NTM: variants seen among roughly 807,000 people sequenced by gnomAD.
NTM encodes neurotrimin, also known as IgLON family member 2.
Under a neutral mutation model 42.1 loss-of-function variants are expected in NTM, and 13 were observed. The ratio of observed to expected loss-of-function variants is 0.31; its 90% CI spans 0.20 to 0.49. The LOEUF (loss-of-function observed/expected upper bound fraction) is 0.49. Ranked by LOEUF, NTM falls within the 20% of genes least tolerant of loss-of-function variation. NTM has a pLI of 0.99. For synonymous variants in NTM, 187 were observed against 179.2 expected, an observed-to-expected ratio of 1.04 and a Z score of -0.35; for missense variants, 373 against 452.8, an observed-to-expected ratio of 0.82 and a Z score of 1.60.
At chr11:132,230,715 C>T (rs1433442468) in intron 4 of NTM, among the ~76,000 whole-genome samples, 3 of 152,126 alleles carry the variant, frequency 2.0e-5, no homozygotes, top group Non-Finnish European at 2.9e-5. Context: ...AAATGCATGC[C>T]GGGGCCTGAT....
intron 6 of NTM, among the ~76,000 whole-genome samples, chr11:132,314,016 GCC>G (rs2095355854): frequency 6.6e-6 from 1 of 152,126 alleles, no homozygotes; most frequent in African/African-American, 2.4e-5. Context: ...CCTCTTCATA[GCC>G]AAAAAATTAA....
chr11:131,642,723 CT>C (rs1282346476), intron 1 of NTM, among the ~76,000 whole-genome samples: 3 of 152,140 alleles, frequency 2.0e-5, no homozygotes, highest in Non-Finnish European at 2.9e-5. Flanking sequence ...TCATCTTGAC[CT>C]TTCTGAAAGA....
At chr11:131,613,053 C>T (rs944117811) in intron 1 of NTM, among the ~76,000 whole-genome samples, 2 of 152,236 alleles carry the variant, frequency 1.3e-5, no homozygotes, top group African/African-American at 2.4e-5. Context: ...GCTGCACTTC[C>T]GTGTGCCTCC....
chr11:132,307,780 C>A lies in NTM; in HGVS notation c.618C>A (p.Asp206Glu). The A allele has an allele frequency of 6.2e-7, 1 of 1,614,212 alleles. No individual in the cohort carries two copies. The highest frequency in any genetic ancestry group is 8.5e-7 in the Non-Finnish European group (1 of 1,180,038). ...ACTACGAGTGCAGTGCCTCCAATGA[C>A]GTGGCCGCGCCCGTGGTACGGAGAG... ...SGDYECSASN[D>E]VAAPVVRRVK... The change falls in exon 5 of 9, where the codon GAC becomes GAA. Residue 206 changes from aspartate (D) to glutamate (E), a missense_variant. Physicochemically the swap from Asp to Glu is conservative, Grantham distance 45 (BLOSUM62 2). Around this residue, in one of 3 missense-constraint regions of NTM, gnomAD observed 312 missense variants for 353.5 expected, o/e 0.88. Transcript: ENST00000683400.
chr11:132,326,406 C>G (rs1391669017), intron 7 of NTM, among the ~76,000 whole-genome samples: 2 of 152,140 alleles, frequency 1.3e-5, no homozygotes, highest in Non-Finnish European at 2.9e-5. Context: ...CATCCCATAG[C>G]AAAGTCAATT....
intron 1 of NTM, among the ~76,000 whole-genome samples, chr11:131,829,836 G>A (rs962346320): frequency 7.9e-5 from 12 of 152,048 alleles, no homozygotes; most frequent in African/African-American, 2.2e-4. Context: ...AGCCTTGCGA[G>A]CATCAGTTAT....
intron 2 of NTM, among the ~76,000 whole-genome samples, chr11:132,016,552 A>T (rs1014282326): frequency 1.3e-5 from 2 of 151,992 alleles, no homozygotes; most frequent in Admixed American, 6.6e-5. Context: ...TAGTTGCTAG[A>T]CATTTAAATA....
intron 1 of NTM, chr11:131,877,724 C>G (rs560200507): frequency 2.1e-4 from 32 of 152,274 alleles, no homozygotes; most frequent in African/African-American, 7.5e-4. Context: ...TTTAATAACT[C>G]GTATATGTTT....
At chr11:131,952,641 T>C (rs571068296) in intron 2 of NTM, among the ~76,000 whole-genome samples, 1 of 152,326 alleles carries the variant, frequency 6.6e-6, no homozygotes, top group East Asian at 1.9e-4. Flanking sequence ...AGGTGTTACT[T>C]TGAGAGATCT....
chr11:131,614,776 T>C (rs1400494372), intron 1 of NTM, among the ~76,000 whole-genome samples: 1 of 152,242 alleles, frequency 6.6e-6, no homozygotes, highest in Non-Finnish European at 1.5e-5. Context: ...CAGCTGCATA[T>C]TGTCCATCAA....
chr11:131,570,166 T>C (rs1369363272), intron 1 of NTM, among the ~76,000 whole-genome samples: 1 of 152,226 alleles, frequency 6.6e-6, no homozygotes, highest in Non-Finnish European at 1.5e-5. Flanking sequence ...ACAGAATCAC[T>C]CGAAGCTTAT....
chr11:131,386,329 G>T (rs1254166002), intron 1 of NTM, among the ~76,000 whole-genome samples: 2 of 152,186 alleles, frequency 1.3e-5, no homozygotes, highest in Non-Finnish European at 2.9e-5. Flanking sequence ...TGATTTAATG[G>T]TCACAGAGTT....
intron 3 of NTM, among the ~76,000 whole-genome samples, chr11:132,186,791 C>T (rs2078464798): frequency 6.6e-6 from 1 of 152,172 alleles, no homozygotes. Flanking sequence ...ACCACTGGCC[C>T]TCAAATGCAC....
chr11:131,995,085 T>C (rs544342825), intron 2 of NTM, among the ~76,000 whole-genome samples: 2 of 152,318 alleles, frequency 1.3e-5, no homozygotes, highest in African/African-American at 4.8e-5. Flanking sequence ...TGTCCTCTAG[T>C]GCACCCTGCA....
At chr11:131,910,539 C>T (rs1345422373) in intron 1 of NTM, among the ~76,000 whole-genome samples, 3 of 151,414 alleles carry the variant, frequency 2.0e-5, no homozygotes, top group East Asian at 3.9e-4. Flanking sequence ...CGCTCCGAGG[C>T]GGCACCGGGA....
chr11:131,767,649 G>A (rs1440011735), intron 1 of NTM, among the ~76,000 whole-genome samples: 2 of 152,132 alleles, frequency 1.3e-5, no homozygotes, highest in African/African-American at 4.8e-5. Flanking sequence ...ATGAGTCCTC[G>A]CCAGACACAG....
intron 3 of NTM, among the ~76,000 whole-genome samples, chr11:132,172,074 G>A (rs7116467): frequency 0.55 from 83,904 of 152,050 alleles, 23,927 homozygotes; most frequent in Non-Finnish European, 0.62. Context: ...CCACATAGCA[G>A]AACAACAAGT....
rs372707939 is a variant in NTM at position 132,146,240 on chromosome 11, G to T, written c.168-42G>T. On this transcript the variant is annotated intron_variant, in intron 2 of 8. Coordinates refer to ENST00000683400, the MANE Select transcript of NTM (RefSeq NM_001352005.2). This position sits in a 1 kb window ranked among gnomAD's most constrained non-coding sequence, Gnocchi z 4.5. ...GGACCTCCCTCTGATGGCTGCTGTC[G>T]TCTCTCAGTCCCTTGACGTACCTGT... 1 of 1,606,282 alleles carries T rather than the reference G, an allele frequency of 6.2e-7. No individual in the cohort carries two copies. The highest frequency in any genetic ancestry group is 2.2e-5 in the East Asian group (1 of 44,694).
intron 1 of NTM, among the ~76,000 whole-genome samples, chr11:131,607,791 T>C (rs1470956022): frequency 1.3e-5 from 2 of 152,256 alleles, no homozygotes; most frequent in Non-Finnish European, 2.9e-5. Flanking sequence ...TAAACTGGAC[T>C]GTAGACTCCA....
Sources: gnomAD v4.1 joint callset for allele counts (sites outside exome capture counted in the v4.1 genomes callset) on GRCh38, gnomAD v4.1.1 for gene constraint, gnomAD v4.1.1 regional missense constraint, Gnocchi (gnomAD v3.1) non-coding constraint, MANE v1.5 for transcripts, NCBI Gene and HGNC (gene_info 2026-07-23, HGNC 2026-07-21) for gene names.